The following WRN variants were observed in gnomAD, a reference collection of about 807,000 sequenced individuals.
WRN encodes WRN RecQ like helicase, also known as bifunctional 3'-5' exonuclease/ATP-dependent helicase WRN.
A neutral mutation model predicts 180.7 loss-of-function variants in WRN; 149 were observed. That is an observed-to-expected ratio of 0.82 (90% CI 0.72 to 0.94). The LOEUF is 0.94. Among genes scored for constraint, WRN ranks in the 40% least tolerant of loss-of-function variants. WRN has a pLI of 0.00. For missense variants in WRN, 1,661 were observed against 1,700.1 expected, an observed-to-expected ratio of 0.98 and a Z score of 0.40; for synonymous variants, 548 against 568.9, an observed-to-expected ratio of 0.96 and a Z score of 0.52.
chr8:31,133,392 G>A lies in WRN; in HGVS notation c.2967+886G>A, dbSNP rs190513373. ...AATGCTTCATGTAAATACTTTCTGA[G>A]TTTGTATTTTTAGAAAGGAACATTT... is the stretch of plus-strand genomic sequence containing the variant. On this transcript the variant is annotated intron_variant, in intron 24 of 34. Transcript: ENST00000298139. 5.3e-4 allele frequency among the ~76,000 whole-genome samples: 80 copies of A among 152,280 alleles called. 1 individual carries two copies. Among genetic ancestry groups the A allele is most frequent in the Non-Finnish European group, 6.8e-4 (46 of 68,022 alleles).
chr8:31,110,712 GTTTC>G (rs1161572684), intron 18 of WRN, among the ~76,000 whole-genome samples: 1 of 151,992 alleles, frequency 6.6e-6, no homozygotes, highest in Non-Finnish European at 1.5e-5. Context: ...TGAGAATATT[GTTTC>G]TTGTATCTGT....
rs115351572 is a variant in WRN at position 31,091,963 on chromosome 8, C to T, written c.1898+65C>T. 9.5e-4 allele frequency: 1,348 copies of T among 1,423,556 alleles called. 9 individuals carry two copies. In the African/African-American group the frequency reaches 0.017, roughly 18 times the overall value. The allele number at this position is 1,423,556 out of a possible 1,614,324, so 88.2% of individuals were successfully genotyped here. A position where few individuals can be genotyped will look rare whatever the true frequency, so the allele number is the denominator to read the frequency against. On this transcript the variant is annotated intron_variant, in intron 16 of 34. Coordinates refer to ENST00000298139, the MANE Select transcript of WRN (RefSeq NM_000553.6). ...TGGGGGTGCATATGCAAGTTTGTTA[C>T]GTGGGTGAATTACATGTTGCTGAGG...
intron 1 of WRN, among the ~76,000 whole-genome samples, chr8:31,044,789 C>G (rs945028894): frequency 6.6e-6 from 1 of 152,134 alleles, no homozygotes; most frequent in Non-Finnish European, 1.5e-5. Context: ...GCTTAGTATG[C>G]CATATTTTGG....
chr8:31,067,681 A>G (rs1187865892), intron 6 of WRN, among the ~76,000 whole-genome samples: 1 of 152,162 alleles, frequency 6.6e-6, no homozygotes, highest in Admixed American at 6.6e-5. Context: ...ACATGTTTGT[A>G]TGTAGTGAAA....
chr8:31,088,834 C>T (rs985757015), intron 12 of WRN, 56 bp from the exon 13 acceptor site: 13 of 1,409,492 alleles, frequency 9.2e-6, no homozygotes, highest in Non-Finnish European at 1.2e-5. Flanking sequence ...CTGTTTTCTC[C>T]CTCTATGTGG....
intron 1 of WRN, among the ~76,000 whole-genome samples, chr8:31,052,513 G>A (rs925196764): frequency 6.6e-6 from 1 of 151,956 alleles, no homozygotes; most frequent in Non-Finnish European, 1.5e-5. Flanking sequence ...TCAGCCTCTT[G>A]AGTAACTGGG....
intron 18 of WRN, among the ~76,000 whole-genome samples, chr8:31,109,588 C>G (rs983154391): frequency 2.6e-5 from 4 of 151,988 alleles, no homozygotes; most frequent in African/African-American, 9.7e-5. Context: ...ATATAGAATT[C>G]TTTTTATTTA....
chr8:31,077,345 A>G (rs1041929533), intron 8 of WRN, among the ~76,000 whole-genome samples: 5 of 152,132 alleles, frequency 3.3e-5, no homozygotes, highest in Non-Finnish European at 5.9e-5. Flanking sequence ...GGTTCACACC[A>G]TTATCCTGCC....
chr8:31,058,988 G>GT (rs1385633718), intron 2 of WRN, among the ~76,000 whole-genome samples, 165 bp from the exon 3 acceptor site: 1 of 152,070 alleles, frequency 6.6e-6, no homozygotes, highest in Non-Finnish European at 1.5e-5. Flanking sequence ...CAATGGGATG[G>GT]TTTTTTCTTT....
At chr8:31,050,131 A>G (rs1037547241) in intron 1 of WRN, among the ~76,000 whole-genome samples, 3 of 152,168 alleles carry the variant, frequency 2.0e-5, no homozygotes, top group African/African-American at 7.2e-5. Flanking sequence ...AACACATGTC[A>G]TATGTGTTGT....
intron 3 of WRN, among the ~76,000 whole-genome samples, chr8:31,062,369 T>A (rs953912648): frequency 6.6e-6 from 1 of 151,788 alleles, no homozygotes; most frequent in Non-Finnish European, 1.5e-5. Flanking sequence ...ATAATAGATA[T>A]GCATATTCCT....
At chr8:31,143,969 G>C (rs1253468288) in intron 28 of WRN, among the ~76,000 whole-genome samples, 2 of 152,178 alleles carry the variant, frequency 1.3e-5, no homozygotes, top group African/African-American at 4.8e-5. Context: ...ACTTGTTCAA[G>C]AGCATACAGC....
chr8:31,116,408 G>A lies in WRN; in HGVS notation c.2328G>A (p.Met776Ile), dbSNP rs555281600. ...PTIIYCPSRK[M>I]TQQVTGELRK... ...TCATCTACTGTCCTTCTAGAAAAAT[G>A]ACACAACAAGTTACAGGTGAACTTA... Residue 776 changes from methionine to isoleucine, a missense_variant, in exon 20 of 35, where the codon ATG (methionine) becomes ATA (isoleucine). Transcript: ENST00000298139. 7 of 1,613,974 alleles carry A rather than the reference G, an allele frequency of 4.3e-6. No homozygotes were observed. The highest frequency in any genetic ancestry group is 5.9e-6 in the Non-Finnish European group (7 of 1,179,934).
intron 23 of WRN, among the ~76,000 whole-genome samples, chr8:31,128,324 TG>T (rs901065402): frequency 2.0e-5 from 3 of 151,702 alleles, no homozygotes; most frequent in Non-Finnish European, 4.4e-5. Context: ...ACATAGTATA[TG>T]GAGCCCTAGA....
At chr8:31,166,937 G>C in intron 33 of WRN, 85 bp from the exon 34 acceptor site, 1 of 1,340,446 alleles carries the variant, frequency 7.5e-7, no homozygotes, top group Non-Finnish European at 1.0e-6. Context: ...CCTTTCTACA[G>C]AATATTTCAG....
intron 1 of WRN, among the ~76,000 whole-genome samples, chr8:31,053,528 A>G (rs1346320457): frequency 2.0e-5 from 3 of 152,240 alleles, no homozygotes; most frequent in Non-Finnish European, 4.4e-5. Context: ...AGGAAGGTTC[A>G]TAAGCGAAAA....
Position 31,083,733 on chromosome 8 carries a change from C to T in WRN, c.1304C>T (p.Ser435Phe), listed in dbSNP as rs750246326. ...LSPNDNENDT[S>F]YVIESDEDLE... ...CCCAATGATAATGAAAACGATACGT[C>T]CTATGTAATTGAGAGTGATGAAGAT... Residue 435 changes from serine (S) to phenylalanine (F), a missense_variant, in exon 10 of 35, where the codon TCC (serine) becomes TTC (phenylalanine). Coordinates refer to ENST00000298139, the MANE Select transcript of WRN (RefSeq NM_000553.6). 1.2e-5 allele frequency: 20 copies of T among 1,611,022 alleles called. No individual in the cohort carries two copies. The highest frequency in any genetic ancestry group is 1.6e-5 in the Non-Finnish European group (19 of 1,178,132).
intron 19 of WRN, among the ~76,000 whole-genome samples, chr8:31,112,727 C>T (rs1801365995): frequency 6.6e-6 from 1 of 151,996 alleles, no homozygotes; most frequent in Admixed American, 6.6e-5. Flanking sequence ...GCTGAAATTA[C>T]AGGTGTGCGC....
intron 10 of WRN, among the ~76,000 whole-genome samples, chr8:31,083,984 T>G (rs1813423428): frequency 6.6e-6 from 1 of 152,162 alleles, no homozygotes; most frequent in African/African-American, 2.4e-5. Context: ...ATTTTAAATG[T>G]GCTTTCCTTG....
Sources: gnomAD v4.1 joint callset for allele counts (sites outside exome capture counted in the v4.1 genomes callset) on GRCh38, gnomAD v4.1.1 for gene constraint, MANE v1.5 for transcripts, NCBI Gene and HGNC (gene_info 2026-07-23, HGNC 2026-07-21) for gene names.